The following MYO1E variants were observed in gnomAD, a reference collection of about 807,000 sequenced individuals.
MYO1E encodes unconventional myosin-Ie.
A neutral mutation model predicts 151.1 loss-of-function variants in MYO1E; 68 were observed. The ratio of observed to expected loss-of-function variants is 0.45; its 90% CI spans 0.37 to 0.55. The LOEUF (loss-of-function observed/expected upper bound fraction) is 0.55. MYO1E is among the 20% of genes least tolerant of loss of function. MYO1E has a pLI of 0.00. For missense variants in MYO1E, 1,363 were observed against 1,389.3 expected (o/e 0.98, Z 0.30); for synonymous variants, 601 against 501.7 (o/e 1.20, Z -2.64).
At chr15:59,284,841 G>T (rs1322945356) in intron 1 of MYO1E, among the ~76,000 whole-genome samples, 1 of 152,086 alleles carries the variant, frequency 6.6e-6, no homozygotes, top group Non-Finnish European at 1.5e-5. Context: ...GTGAGGTAAG[G>T]ACATTTCAAG....
At position 59,227,581 on chromosome 15, in the gene MYO1E, A is replaced by C. The variant is rs1431629763; in HGVS notation, c.520T>G (p.Phe174Val). The change falls in exon 7 of 28, where the codon TTT becomes GTT. Residue 174 changes from phenylalanine to valine, a missense_variant. Coordinates refer to ENST00000288235, the MANE Select transcript of MYO1E (RefSeq NM_004998.4). ...NNNSSRFGKYFEIQFSPGGEP... is the reference protein window; with the variant it reads ...NNNSSRFGKYVEIQFSPGGEP... ...CCACCTGGACTGAACTGGATTTCAAAGTATTTTCCCTGCAAGAAAGTTAGG... is the reference window on the plus strand; with the variant it reads ...CCACCTGGACTGAACTGGATTTCAACGTATTTTCCCTGCAAGAAAGTTAGG... 9 of 1,614,066 alleles carry C rather than the reference A, an allele frequency of 5.6e-6. No homozygotes were observed. The African/African-American group carries it at 8.0e-5, about 14-fold the overall frequency.
chr15:59,170,118 G>A (rs1023833518), intron 22 of MYO1E, among the ~76,000 whole-genome samples: 1 of 152,082 alleles, frequency 6.6e-6, no homozygotes, highest in Non-Finnish European at 1.5e-5. Context: ...CTGAGATCAC[G>A]CCACTGCACT....
intron 4 of MYO1E, among the ~76,000 whole-genome samples, chr15:59,247,094 G>A (rs2080134850): frequency 6.6e-6 from 1 of 152,210 alleles, no homozygotes; most frequent in Non-Finnish European, 1.5e-5. Context: ...TACTCGCGAG[G>A]CTGAGGTGGG....
At chr15:59,197,466 T>C (rs773095440) in intron 16 of MYO1E, among the ~76,000 whole-genome samples, 8 of 152,252 alleles carry the variant, frequency 5.3e-5, no homozygotes, top group Non-Finnish European at 1.2e-4. Flanking sequence ...TAACATTTAC[T>C]GAGTTTGCAG....
intron 7 of MYO1E, 48 bp from the exon 8 acceptor site, chr15:59,224,871 C>T (rs1432726712): frequency 6.2e-7 from 1 of 1,613,346 alleles, no homozygotes; most frequent in East Asian, 2.2e-5. Context: ...CCACAAGGCA[C>T]CCGAAGTCAC....
At chr15:59,195,379 C>T in intron 17 of MYO1E, 82 bp downstream of exon 17, 1 of 1,239,220 alleles carries the variant, frequency 8.1e-7, no homozygotes, top group South Asian at 1.2e-5. Context: ...ACTGACACTG[C>T]TCCTGCCTGT....
At position 59,308,222 on chromosome 15, in the gene MYO1E, C is replaced by CA. The variant is rs1189618865; in HGVS notation, c.4-35774dup. Among the ~76,000 whole-genome samples, 348 of 48,516 alleles carry CA rather than the reference C, an allele frequency of 7.2e-3. 18 individuals carry two copies. Among genetic ancestry groups the CA allele is most frequent in the African/African-American group, 0.017 (169 of 9,658 alleles). 31.8% of individuals were successfully genotyped at this position (48,516 alleles called of 152,430 possible). On this transcript the variant is annotated intron_variant, in intron 1 of 27. Transcript: ENST00000288235. Reference sequence around the variant, plus strand: ...TGGGTGACAGAGTGAGACTCTGTCTCAAAAAAAAAAAAAAAAAAAAAAAAA... The same window carrying CA: ...TGGGTGACAGAGTGAGACTCTGTCTCAAAAAAAAAAAAAAAAAAAAAAAAAA...
rs570011989 is a variant in MYO1E, at chr15:59,138,443, C to A, written c.3081-76G>T. On this transcript the variant is annotated intron_variant, in intron 26 of 27. Transcript: ENST00000288235. The stretch of plus-strand genomic sequence containing the variant: ...CACCGAACGGTGGTTTGGAGCATGG[C>A]GGCCGGCACTGGCCTGTTCAAGTTC... The A allele has an allele frequency of 3.3e-6, 5 of 1,521,020 alleles. No homozygotes were observed. The East Asian group carries it at 9.0e-5, about 27-fold the overall frequency. 94.2% of individuals were successfully genotyped at this position (1,521,020 alleles called of 1,614,324 possible). A position where few individuals can be genotyped will look rare whatever the true frequency, so the allele number is the denominator to read the frequency against.
chr15:59,302,120 T>C (rs894297853), intron 1 of MYO1E, among the ~76,000 whole-genome samples: 4 of 151,990 alleles, frequency 2.6e-5, no homozygotes, highest in African/African-American at 9.7e-5. Flanking sequence ...CCAGGCACCA[T>C]GAGCATCAGA....
rs151148643 is a variant in MYO1E at position 59,287,777 on chromosome 15, T to C, written c.4-15328A>G. On this transcript the variant is annotated intron_variant, in intron 1 of 27. Coordinates refer to ENST00000288235, the MANE Select transcript of MYO1E (RefSeq NM_004998.4). Reference sequence around the variant, plus strand: ...GTCTGAGTGAATGTGGGGGATTGTGTGAGCACCCTAAGATAGGATGGCCTC... The same window carrying C: ...GTCTGAGTGAATGTGGGGGATTGTGCGAGCACCCTAAGATAGGATGGCCTC... Among the ~76,000 whole-genome samples the C allele has an allele frequency of 4.8e-3, 730 of 152,282 alleles. 4 individuals are homozygous for C. Among genetic ancestry groups the C allele is most frequent in the African/African-American group, 0.017 (703 of 41,552 alleles).
chr15:59,361,551 T>C (rs1198944122), intron 1 of MYO1E, among the ~76,000 whole-genome samples: 1 of 152,202 alleles, frequency 6.6e-6, no homozygotes, highest in African/African-American at 2.4e-5. Context: ...TGCTACTGTA[T>C]GGGCTTCAGG....
chr15:59,163,097 G>A, intron 23 of MYO1E, 60 bp downstream of exon 23: 2 of 1,583,418 alleles, frequency 1.3e-6, no homozygotes, highest in Non-Finnish European at 1.7e-6. Flanking sequence ...AATCGCAGGG[G>A]TGCGATCAAG....
intron 18 of MYO1E, 54 bp downstream of exon 18, chr15:59,188,064 A>T: frequency 7.5e-7 from 1 of 1,327,968 alleles, no homozygotes; most frequent in East Asian, 2.3e-5. Context: ...TATAGATTTG[A>T]ATTATAGCTC....
intron 1 of MYO1E, among the ~76,000 whole-genome samples, chr15:59,279,204 C>CT (rs1231368767): frequency 6.6e-6 from 1 of 152,136 alleles, no homozygotes; most frequent in African/African-American, 2.4e-5. Context: ...CCAATATCAT[C>CT]GTTAAGTCCA....
At chr15:59,319,310 G>GA (rs1324558733) in intron 1 of MYO1E, among the ~76,000 whole-genome samples, 1 of 151,514 alleles carries the variant, frequency 6.6e-6, no homozygotes, top group East Asian at 1.9e-4. Flanking sequence ...GTCTCCATCT[G>GA]AAAAAACGAA....
At chr15:59,233,388 G>A (rs574019139) in intron 5 of MYO1E, among the ~76,000 whole-genome samples, 23 of 152,140 alleles carry the variant, frequency 1.5e-4, no homozygotes, top group South Asian at 2.1e-4. Context: ...CCCATCGGCC[G>A]GGCGCGGTGG....
At position 59,214,710 on chromosome 15, in the gene MYO1E, T is replaced by C; in HGVS notation, c.1118A>G (p.Lys373Arg). Reference protein sequence around the residue: ...VFDFLVDSINKAMEKDHEEYN... With the variant: ...VFDFLVDSINRAMEKDHEEYN... ...TTCTTCATGGTCTTTCTCCATGGCT[T>C]TATTGATGGACTAGAGAAAGTAAAC... Residue 373 changes from lysine (K) to arginine (R), a missense_variant, in exon 11 of 28, where the codon AAA becomes AGA. Lys to Arg is a conservative substitution (Grantham distance 26). Transcript: ENST00000288235. 2 of 1,612,960 alleles carry C rather than the reference T, an allele frequency of 1.2e-6. No homozygotes were observed. The highest frequency in any genetic ancestry group is 1.7e-6 in the Non-Finnish European group (2 of 1,178,936).
chr15:59,219,771 A>T (rs1308118470), intron 9 of MYO1E, among the ~76,000 whole-genome samples: 1 of 152,242 alleles, frequency 6.6e-6, no homozygotes, highest in Non-Finnish European at 1.5e-5. Context: ...ACGTGCATTC[A>T]TCTCACAGAG....
At chr15:59,372,466 C>G in intron 1 of MYO1E, 32 bp downstream of exon 1, 1 of 1,537,736 alleles carries the variant, frequency 6.5e-7, no homozygotes. Flanking sequence ...TCCCCGGGTC[C>G]GGCGTCCTAG....
Sources: allele counts gnomAD v4.1 joint callset (sites outside exome capture counted in the v4.1 genomes callset), GRCh38; gene constraint gnomAD v4.1.1; transcripts MANE v1.5; gene names NCBI Gene and HGNC (gene_info 2026-07-23, HGNC 2026-07-21).